The following WDR17 variants were observed in gnomAD, a reference collection of about 807,000 sequenced individuals.
WDR17 encodes the protein WD repeat-containing protein 17.
WDR17 carries 143 observed loss-of-function variants against 161.7 expected under a neutral mutation model. The observed-to-expected ratio is 0.88, with a 90% CI of 0.77 to 1.02. The LOEUF (loss-of-function observed/expected upper bound fraction) is 1.02. Among genes scored for constraint, WDR17 ranks in the 50% least tolerant of loss-of-function variants. The pLI, the probability that WDR17 is intolerant of heterozygous loss-of-function variation, is 0.00. For missense variants in WDR17, 1,469 were observed against 1,520.9 expected (o/e 0.97, Z 0.57); for synonymous variants, 517 against 515.6 (o/e 1.00, Z -0.04).
At chr4:176,073,545 A>T (rs1277178530) in intron 1 of WDR17, among the ~76,000 whole-genome samples, 1 of 151,644 alleles carries the variant, frequency 6.6e-6, no homozygotes, top group South Asian at 2.1e-4. Context: ...TGCTATTGTG[A>T]ATAGTGCCGC....
At chr4:176,142,471 G>A (rs1424606042) in intron 11 of WDR17, among the ~76,000 whole-genome samples, 1 of 152,126 alleles carries the variant, frequency 6.6e-6, no homozygotes, top group African/African-American at 2.4e-5. Context: ...CGATGCTAAT[G>A]CCTCTGGCAC....
At chr4:176,145,959 T>C in intron 11 of WDR17, 36 bp from the exon 12 acceptor site, 2 of 1,578,682 alleles carry the variant, frequency 1.3e-6, no homozygotes. Flanking sequence ...TATATCATAT[T>C]TATCCTATGT....
chr4:176,085,976 A>G (rs1373441092), intron 1 of WDR17, among the ~76,000 whole-genome samples: 1 of 151,958 alleles, frequency 6.6e-6, no homozygotes, highest in Non-Finnish European at 1.5e-5. Flanking sequence ...TCTAGCTGCA[A>G]CCCACAAATT....
intron 1 of WDR17, among the ~76,000 whole-genome samples, chr4:176,074,810 C>CTTTTTTTTTTTTTTCT: frequency 1.3e-5 from 1 of 79,200 alleles, no homozygotes; most frequent in Non-Finnish European, 2.3e-5. Context: ...TTTTTTAATG[C>CTTTTTTTTTTTTTTCT]TTTTTTTTTT....
rs988307468 is a variant in WDR17, at chr4:176,125,438, G to T, written c.790+83G>T. ...TTTAGGAAATTGTCCTTTATAGGTTGATTTTGTGTAAAATGTATTAATAGC... is the reference window on the plus strand; with the variant it reads ...TTTAGGAAATTGTCCTTTATAGGTTTATTTTGTGTAAAATGTATTAATAGC... On this transcript the variant is annotated intron_variant, in intron 5 of 28. Transcript: ENST00000508596. 2.0e-6 allele frequency: 3 copies of T among 1,493,492 alleles called. No individual in the cohort carries two copies. The African/African-American group carries it at 4.2e-5, about 21-fold the overall frequency. The allele number at this position is 1,493,492 out of a possible 1,614,324, so 92.5% of individuals were successfully genotyped here.
intron 17 of WDR17, among the ~76,000 whole-genome samples, chr4:176,153,228 A>G (rs1373559878): frequency 6.6e-6 from 1 of 152,322 alleles, no homozygotes; most frequent in South Asian, 2.1e-4. Flanking sequence ...ACAAAAAACG[A>G]TGTTGGCTAA....
chr4:176,096,377 A>G (rs947962634), intron 1 of WDR17: 2 of 477,938 alleles, frequency 4.2e-6, no homozygotes, highest in Non-Finnish European at 7.4e-6. Context: ...ATATTTGTGC[A>G]GTTCTAGCCT....
intron 1 of WDR17, chr4:176,098,364 A>C (rs1202306111): frequency 6.6e-6 from 1 of 152,090 alleles, no homozygotes; most frequent in Non-Finnish European, 1.5e-5. Flanking sequence ...AAACATTCTA[A>C]AGTAAGGATA....
At chr4:176,177,967 A>G (rs1160752983) in intron 28 of WDR17, among the ~76,000 whole-genome samples, 8 of 127,294 alleles carry the variant, frequency 6.3e-5, no homozygotes, top group Non-Finnish European at 1.3e-4. Flanking sequence ...CCTGGGCAAC[A>G]AGAGTGAAAC....
intron 6 of WDR17, among the ~76,000 whole-genome samples, chr4:176,130,731 C>T (rs1002377051): frequency 1.4e-5 from 2 of 140,722 alleles, no homozygotes; most frequent in Admixed American, 7.5e-5. Flanking sequence ...GGCAACAGAG[C>T]GAGACTCCGT....
chr4:176,152,595 CAAAAAAAAAAA>C (rs34451055), intron 17 of WDR17, among the ~76,000 whole-genome samples: 2 of 37,246 alleles, frequency 5.4e-5, no homozygotes, highest in African/African-American at 1.1e-4. Flanking sequence ...AACTCCATCT[CAAAAAAAAAAA>C]AAAAAAAAAA....
intron 1 of WDR17, among the ~76,000 whole-genome samples, chr4:176,096,225 C>T (rs1736834396): frequency 6.6e-6 from 1 of 151,914 alleles, no homozygotes. Context: ...AAAGTTAAAT[C>T]TAAGATTGTT....
At chr4:176,084,786 A>ATAT (rs1735217061) in intron 1 of WDR17, among the ~76,000 whole-genome samples, 2 of 147,072 alleles carry the variant, frequency 1.4e-5, no homozygotes, top group African/African-American at 4.9e-5. Context: ...ATATATATAT[A>ATAT]AAATATATAT....
intron 1 of WDR17, among the ~76,000 whole-genome samples, chr4:176,091,770 G>A (rs1285260068): frequency 1.3e-5 from 2 of 151,914 alleles, no homozygotes; most frequent in East Asian, 1.9e-4. Context: ...AATAAATTCA[G>A]AGATGAAAAA....
intron 23 of WDR17, among the ~76,000 whole-genome samples, chr4:176,171,580 T>G (rs1213303997): frequency 6.6e-6 from 1 of 152,196 alleles, no homozygotes; most frequent in Non-Finnish European, 1.5e-5. Flanking sequence ...ATGAATGTAT[T>G]AATAAATAAA....
In WDR17 at chr4:176,171,709, C is replaced by T. The variant is rs564571837; in HGVS notation, c.3103-666C>T. On this transcript the variant is annotated intron_variant, in intron 23 of 28. Transcript: ENST00000508596. ...ATAAAAGGTAACTTAATGCTTAATA[C>T]ATTATAAGGAAGCAGACCAACTTAC... is the stretch of plus-strand genomic sequence containing the variant. Among the ~76,000 whole-genome samples, 3 of 152,110 alleles carry T rather than the reference C, an allele frequency of 2.0e-5. No homozygotes were observed. The East Asian group carries it at 5.8e-4, about 29-fold the overall frequency.
At chr4:176,177,374 AG>A (rs1314657163) in intron 27 of WDR17, 96 bp from the exon 28 acceptor site, 11 of 1,204,196 alleles carry the variant, frequency 9.1e-6, no homozygotes, top group Non-Finnish European at 1.3e-5. Context: ...CCATCAATAA[AG>A]GGGAACTAAA....
chr4:176,123,514 C>T (rs151220269), intron 4 of WDR17, among the ~76,000 whole-genome samples: 389 of 152,230 alleles, frequency 2.6e-3, no homozygotes, highest in Non-Finnish European at 3.7e-3. Context: ...TCGAGGTTCC[C>T]GTGGCCCCCT....
chr4:176,117,624 C>T (rs1353181925), intron 3 of WDR17, among the ~76,000 whole-genome samples: 2 of 151,996 alleles, frequency 1.3e-5, no homozygotes, highest in African/African-American at 4.8e-5. Context: ...ATTTATTCAT[C>T]AGCTATATGC....
Sources: gnomAD v4.1 joint callset for allele counts (sites outside exome capture counted in the v4.1 genomes callset) on GRCh38, gnomAD v4.1.1 for gene constraint, MANE v1.5 for transcripts, NCBI Gene and HGNC (gene_info 2026-07-23, HGNC 2026-07-21) for gene names.